The following NPAS3 variants were observed in gnomAD, a reference collection of about 807,000 sequenced individuals.
The protein encoded by NPAS3 is neuronal PAS domain protein 3, also known as neuronal PAS domain-containing protein 3.
A neutral mutation model predicts 73.1 loss-of-function variants in NPAS3; 14 were observed. That is an observed-to-expected ratio of 0.19 (90% CI 0.13 to 0.30). NPAS3 has a LOEUF of 0.30. Among genes scored for constraint, NPAS3 ranks in the 10% least tolerant of loss-of-function variants. The probability of loss-of-function intolerance (pLI) is 1.00; values close to 1 mark genes in which losing one functional copy is unlikely to be tolerated. For synonymous variants in NPAS3, 620 were observed against 541.5 expected, an observed-to-expected ratio of 1.14 and a Z score of -2.01; for missense variants, 1,096 against 1,250.0, an observed-to-expected ratio of 0.88 and a Z score of 1.86.
intron 9 of NPAS3, among the ~76,000 whole-genome samples, chr14:33,791,513 C>A (rs2063358033): frequency 6.6e-6 from 1 of 152,192 alleles, no homozygotes; most frequent in African/African-American, 2.4e-5. Flanking sequence ...AAAGATGACA[C>A]CATACGGTCC....
At chr14:33,672,948 G>A (rs1364565484) in intron 5 of NPAS3, among the ~76,000 whole-genome samples, 1 of 152,236 alleles carries the variant, frequency 6.6e-6, no homozygotes, top group Non-Finnish European at 1.5e-5. Context: ...AATGTTGAAA[G>A]TGTTAGATAC....
At chr14:33,476,756 A>G (rs1435617707) in intron 4 of NPAS3, among the ~76,000 whole-genome samples, 1 of 151,898 alleles carries the variant, frequency 6.6e-6, no homozygotes, top group East Asian at 1.9e-4. Context: ...TGGCCCCTTT[A>G]CCTTGTGGGG....
At chr14:33,777,008 G>C (rs753201479) in intron 8 of NPAS3, among the ~76,000 whole-genome samples, 22 of 152,086 alleles carry the variant, frequency 1.4e-4, no homozygotes, top group Admixed American at 2.6e-4. Flanking sequence ...TTTTTCCTGG[G>C]GTTTATTATT....
At chr14:33,533,681 A>C (rs1352118214) in intron 4 of NPAS3, among the ~76,000 whole-genome samples, 1 of 152,192 alleles carries the variant, frequency 6.6e-6, no homozygotes, top group East Asian at 1.9e-4. Context: ...TTTTGAAACC[A>C]TGCTCCATAG....
rs1594609734 is a variant in NPAS3, at chr14:33,289,708, G to A, written c.385+74282G>A. Among the ~76,000 whole-genome samples the A allele has an allele frequency of 2.0e-5, 3 of 152,068 alleles. No homozygotes were observed. The Middle Eastern group carries it at 0.01, about 517-fold the overall frequency. On this transcript the variant is annotated intron_variant, in intron 3 of 11. Transcript: ENST00000356141. ...ATGATGGGGCATGACTGTAGACCCA[G>A]CTATTCAGGAGGCTGAGGCAGGAGA...
intron 4 of NPAS3, among the ~76,000 whole-genome samples, chr14:33,499,920 T>A (rs952410565): frequency 6.6e-6 from 1 of 151,990 alleles, no homozygotes; most frequent in Admixed American, 6.6e-5. Flanking sequence ...TTTTCTCCTC[T>A]GCGCAACTCC....
chr14:33,089,038 C>CAAAGATCAAATGTAGATAAAACCACA (rs57623601), intron 2 of NPAS3, among the ~76,000 whole-genome samples: 1 of 144,654 alleles, frequency 6.9e-6, no homozygotes. Flanking sequence ...TCACCATCAT[C>CAAAGATCAAATGTAGATAAAACCACA]AAGATGAGGA....
At chr14:33,543,999 A>ATATATC (rs2054659282) in intron 4 of NPAS3, among the ~76,000 whole-genome samples, 3 of 64,192 alleles carry the variant, frequency 4.7e-5, no homozygotes, top group Non-Finnish European at 5.9e-5. Flanking sequence ...ATATATATAT[A>ATATATC]TATCTATATC....
At chr14:33,148,688 T>TA (rs1157758598) in intron 2 of NPAS3, among the ~76,000 whole-genome samples, 2 of 151,982 alleles carry the variant, frequency 1.3e-5, no homozygotes, top group Non-Finnish European at 2.9e-5. Flanking sequence ...TTTTCTTTTT[T>TA]AAAAAAAATT....
At chr14:32,943,452 C>T (rs2036113855) in intron 1 of NPAS3, among the ~76,000 whole-genome samples, 2 of 152,066 alleles carry the variant, frequency 1.3e-5, no homozygotes, top group Admixed American at 6.6e-5. Context: ...ATGAGAAGGC[C>T]AGAATACTTA....
intron 1 of NPAS3, among the ~76,000 whole-genome samples, chr14:32,943,420 T>G (rs186136641): frequency 6.6e-6 from 1 of 152,282 alleles, no homozygotes; most frequent in African/African-American, 2.4e-5. Context: ...TGGCTGGCCC[T>G]ATACTATAAT....
chr14:33,492,388 T>G (rs12432128), intron 4 of NPAS3, among the ~76,000 whole-genome samples: 15,310 of 152,172 alleles, frequency 0.1, 1,069 homozygotes, highest in Admixed American at 0.16. Flanking sequence ...TAACATGCTT[T>G]TACTAAGGGA....
rs115412087 is a variant in NPAS3, at chr14:33,574,045, G to C, written c.558+13835G>C. On this transcript the variant is annotated intron_variant, in intron 5 of 11. Coordinates refer to ENST00000356141, the Ensembl canonical transcript of NPAS3. ...CATTTGAGAAGCTCGTGGGACATCT[G>C]TTGAATGGACAGACTTCAGAGCTCA... Among the ~76,000 whole-genome samples the C allele has an allele frequency of 5.8e-3, 887 of 152,308 alleles. 11 individuals carry two copies. The highest frequency in any genetic ancestry group is 0.02 in the African/African-American group (849 of 41,554).
At chr14:33,345,190 A>G (rs1872552753) in intron 3 of NPAS3, among the ~76,000 whole-genome samples, 2 of 152,222 alleles carry the variant, frequency 1.3e-5, no homozygotes, top group African/African-American at 4.8e-5. Context: ...AATACATCAA[A>G]CTAAAATACA....
At chr14:33,336,459 G>A (rs1047791783) in intron 3 of NPAS3, among the ~76,000 whole-genome samples, 1 of 152,162 alleles carries the variant, frequency 6.6e-6, no homozygotes, top group Non-Finnish European at 1.5e-5. Flanking sequence ...CCACCCTAGA[G>A]GGGTCCTTGC....
chr14:33,096,183 C>G (rs1381581601), intron 2 of NPAS3, among the ~76,000 whole-genome samples: 3 of 150,898 alleles, frequency 2.0e-5, no homozygotes, highest in Non-Finnish European at 4.4e-5. Context: ...GGAAAGATTT[C>G]CCCTGGAAAT....
At chr14:32,959,162 C>T (rs1193612380) in intron 1 of NPAS3, among the ~76,000 whole-genome samples, 1 of 152,182 alleles carries the variant, frequency 6.6e-6, no homozygotes, top group Non-Finnish European at 1.5e-5. Context: ...CTTTGACCTC[C>T]TGGTTTTTAG....
At chr14:33,565,931 C>A in intron 5 of NPAS3, among the ~76,000 whole-genome samples, 1 of 151,242 alleles carries the variant, frequency 6.6e-6, no homozygotes, top group East Asian at 1.9e-4. Context: ...TTTTCTGCAG[C>A]TTGTGACCAC....
At chr14:33,456,566 C>G (rs750229337) in intron 4 of NPAS3, among the ~76,000 whole-genome samples, 17 of 152,078 alleles carry the variant, frequency 1.1e-4, no homozygotes, top group Non-Finnish European at 2.4e-4. Context: ...AAGTACATCC[C>G]CCTTCTGATT....
Sources: allele counts gnomAD v4.1 joint callset (sites outside exome capture counted in the v4.1 genomes callset), GRCh38; gene constraint gnomAD v4.1.1; transcripts MANE v1.5; gene names NCBI Gene and HGNC (gene_info 2026-07-23, HGNC 2026-07-21).